The following ADAMTSL3 variants were observed in gnomAD, a reference collection of about 807,000 sequenced individuals.
ADAMTSL3 encodes the protein ADAMTS-like protein 3.
A neutral mutation model predicts 201.7 loss-of-function variants in ADAMTSL3; 128 were observed. The ratio of observed to expected loss-of-function variants is 0.63; its 90% CI spans 0.55 to 0.73. The LOEUF is 0.73. Ranked by LOEUF, ADAMTSL3 falls within the 30% of genes least tolerant of loss-of-function variation. The pLI, the probability that ADAMTSL3 is intolerant of heterozygous loss-of-function variation, is 0.00. For synonymous variants in ADAMTSL3, 738 were observed against 748.4 expected, an observed-to-expected ratio of 0.99 and a Z score of 0.23; for missense variants, 1,990 against 2,119.6, an observed-to-expected ratio of 0.94 and a Z score of 1.20.
At chr15:83,871,462 G>C (rs1023384008) in intron 9 of ADAMTSL3, among the ~76,000 whole-genome samples, 6 of 152,354 alleles carry the variant, frequency 3.9e-5, no homozygotes, top group Middle Eastern at 3.4e-3. Flanking sequence ...AAGGAGAGCA[G>C]AGACAACAGC....
chr15:83,793,915 A>C (rs1486953753), intron 4 of ADAMTSL3, among the ~76,000 whole-genome samples: 1 of 152,230 alleles, frequency 6.6e-6, no homozygotes, highest in Non-Finnish European at 1.5e-5. Flanking sequence ...TTTGAAAATC[A>C]CCTAACAAAG....
chr15:83,850,063 A>T (rs1467791988), intron 7 of ADAMTSL3, among the ~76,000 whole-genome samples: 2 of 152,146 alleles, frequency 1.3e-5, no homozygotes, highest in Non-Finnish European at 2.9e-5. Flanking sequence ...GCACCATAAT[A>T]CAAAAACTGA....
intron 15 of ADAMTSL3, 145 bp downstream of exon 15, chr15:83,899,876 GAA>G (rs2065689945): frequency 8.7e-7 from 1 of 1,150,758 alleles, no homozygotes; most frequent in African/African-American, 1.6e-5. Flanking sequence ...GAGCTGGCTA[GAA>G]TTTTTCTTTG....
chr15:83,661,953 G>A (rs917889007), intron 2 of ADAMTSL3, among the ~76,000 whole-genome samples: 1 of 146,924 alleles, frequency 6.8e-6, no homozygotes, highest in Non-Finnish European at 1.5e-5. Flanking sequence ...GGAGAAATAG[G>A]AACACTTTTA....
intron 28 of ADAMTSL3, among the ~76,000 whole-genome samples, chr15:84,032,121 G>GT (rs2068420877): frequency 6.6e-6 from 1 of 152,162 alleles, no homozygotes; most frequent in African/African-American, 2.4e-5. Context: ...CTCACTTACT[G>GT]TGTGACCCTG....
At chr15:83,971,535 C>T (rs1004640690) in intron 20 of ADAMTSL3, among the ~76,000 whole-genome samples, 25 of 126,038 alleles carry the variant, frequency 2.0e-4, no homozygotes, top group Admixed American at 3.7e-4. Context: ...CCAGCCTGGG[C>T]GACAGAGTGT....
At chr15:84,003,811 A>G (rs575499474) in intron 23 of ADAMTSL3, among the ~76,000 whole-genome samples, 1 of 152,302 alleles carries the variant, frequency 6.6e-6, no homozygotes, top group South Asian at 2.1e-4. Flanking sequence ...CATCCATTAT[A>G]AAACACAGGG....
intron 4 of ADAMTSL3, among the ~76,000 whole-genome samples, chr15:83,783,274 T>G (rs1024194465): frequency 2.0e-5 from 3 of 151,862 alleles, no homozygotes; most frequent in Non-Finnish European, 4.4e-5. Context: ...TGTATAACTA[T>G]TCAGATATCA....
At chr15:83,869,226 T>C (rs1325940122) in intron 8 of ADAMTSL3, among the ~76,000 whole-genome samples, 1 of 152,178 alleles carries the variant, frequency 6.6e-6, no homozygotes, top group Admixed American at 6.5e-5. Context: ...TTTTTTTTTC[T>C]CATGGACTTT....
intron 2 of ADAMTSL3, among the ~76,000 whole-genome samples, chr15:83,670,444 A>C (rs1456459578): frequency 1.3e-5 from 2 of 152,066 alleles, no homozygotes; most frequent in African/African-American, 2.4e-5. Flanking sequence ...GTGTTATTTA[A>C]ATTTTTTGAC....
intron 16 of ADAMTSL3, among the ~76,000 whole-genome samples, chr15:83,919,906 G>T (rs1211228809): frequency 6.6e-6 from 1 of 152,056 alleles, no homozygotes; most frequent in Non-Finnish European, 1.5e-5. Context: ...GAGTAGGTAG[G>T]TTTGTATGCT....
At chr15:83,819,349 T>C (rs1216064628) in intron 5 of ADAMTSL3, among the ~76,000 whole-genome samples, 9 of 151,440 alleles carry the variant, frequency 5.9e-5, no homozygotes, top group Admixed American at 5.3e-4. Flanking sequence ...ATCCTTCACA[T>C]TGAAATGGCT....
chr15:83,972,154 A>C (rs1347839863), intron 20 of ADAMTSL3, among the ~76,000 whole-genome samples: 1 of 152,178 alleles, frequency 6.6e-6, no homozygotes, highest in Non-Finnish European at 1.5e-5. Context: ...TAGAAAAGGC[A>C]TGAGACTTGC....
At chr15:83,911,756 G>T (rs2065939407) in intron 15 of ADAMTSL3, among the ~76,000 whole-genome samples, 1 of 152,352 alleles carries the variant, frequency 6.6e-6, no homozygotes, top group East Asian at 1.9e-4. Flanking sequence ...CCTGGGGAAA[G>T]AAGGTTGGAT....
intron 9 of ADAMTSL3, among the ~76,000 whole-genome samples, chr15:83,881,850 C>G (rs58733277): frequency 2.6e-4 from 38 of 144,596 alleles, no homozygotes; most frequent in African/African-American, 8.9e-4. Context: ...GCGAGACTCC[C>G]TCTCAAAAAA....
intron 5 of ADAMTSL3, among the ~76,000 whole-genome samples, chr15:83,806,072 C>T (rs1448682209): frequency 6.7e-6 from 1 of 148,278 alleles, no homozygotes; most frequent in East Asian, 2.0e-4. Context: ...ACAGTGCCAC[C>T]TTGAAACTGG....
chr15:83,983,092 C>T lies in ADAMTSL3; in HGVS notation c.3464C>T (p.Thr1155Ile). The T allele has an allele frequency of 6.2e-7, 1 of 1,614,110 alleles. No individual in the cohort carries two copies. Among genetic ancestry groups the T allele is most frequent in the Non-Finnish European group, 8.5e-7 (1 of 1,180,014 alleles). Reference protein sequence around the residue: ...TPPAAQLRGETGSVSQSSHAK... With the variant: ...TPPAAQLRGEIGSVSQSSHAK... ...CCTGCTGCTCAGCTCAGAGGGGAAA[C>T]AGGGAGTGTGTCCCAAAGCTCGCAT... Residue 1155 changes from threonine to isoleucine, a missense_variant, in exon 21 of 30, where the codon ACA (threonine) becomes ATA (isoleucine). Physicochemically the swap from Thr to Ile is moderately conservative, Grantham distance 89 (BLOSUM62 -1). Coordinates refer to ENST00000286744, the MANE Select transcript of ADAMTSL3 (RefSeq NM_207517.3).
At chr15:83,852,962 T>G (rs1310070398) in intron 7 of ADAMTSL3, among the ~76,000 whole-genome samples, 1 of 152,134 alleles carries the variant, frequency 6.6e-6, no homozygotes, top group Non-Finnish European at 1.5e-5. Flanking sequence ...GTTCAAGTGA[T>G]TCTCCAGCCT....
intron 4 of ADAMTSL3, among the ~76,000 whole-genome samples, chr15:83,793,851 G>A (rs955638489): frequency 6.6e-6 from 1 of 152,160 alleles, no homozygotes; most frequent in Non-Finnish European, 1.5e-5. Flanking sequence ...CTGCAGTAAT[G>A]AGAGCAGTGG....
Sources: gnomAD v4.1 joint callset for allele counts (sites outside exome capture counted in the v4.1 genomes callset) on GRCh38, gnomAD v4.1.1 for gene constraint, MANE v1.5 for transcripts, NCBI Gene and HGNC (gene_info 2026-07-23, HGNC 2026-07-21) for gene names.